Variants in NXPH1 observed in about 807,000 individuals in gnomAD.
NXPH1 encodes the protein neurexophilin-1.
NXPH1 carries 5 observed loss-of-function variants against 23.7 expected under a neutral mutation model. The observed-to-expected ratio is 0.21, with a 90% confidence interval of 0.11 to 0.44. NXPH1 has a LOEUF of 0.44. NXPH1 is among the 20% of genes least tolerant of loss of function. The probability of loss-of-function intolerance (pLI) is 0.99; values close to 1 mark genes in which losing one functional copy is unlikely to be tolerated. For synonymous variants in NXPH1, 144 were observed against 122.2 expected (o/e 1.18, Z -1.18); for missense variants, 324 against 321.6 (o/e 1.01, Z -0.06).
intron 2 of NXPH1, among the ~76,000 whole-genome samples, chr7:8,666,872 T>C (rs1439630477): frequency 2.0e-5 from 3 of 152,060 alleles, no homozygotes; most frequent in Non-Finnish European, 4.4e-5. Context: ...TTAGTTGTAA[T>C]GTCTCCTATA....
At chr7:8,701,621 C>T (rs1006174958) in intron 2 of NXPH1, among the ~76,000 whole-genome samples, 1 of 152,048 alleles carries the variant, frequency 6.6e-6, no homozygotes, top group African/African-American at 2.4e-5. Flanking sequence ...TTTTCAAGGG[C>T]TTTCAGGTAA....
intron 2 of NXPH1, among the ~76,000 whole-genome samples, chr7:8,489,274 C>G (rs919836118): frequency 6.6e-6 from 1 of 152,162 alleles, no homozygotes; most frequent in Admixed American, 6.6e-5. Context: ...CTTCTCATAT[C>G]GAAAAGGACC....
At chr7:8,559,251 C>T (rs766150948) in intron 2 of NXPH1, among the ~76,000 whole-genome samples, 1 of 151,644 alleles carries the variant, frequency 6.6e-6, no homozygotes, top group Non-Finnish European at 1.5e-5. Flanking sequence ...AGCCGCCACG[C>T]CCTGGTGGAA....
At chr7:8,493,408 G>C (rs1817283977) in intron 2 of NXPH1, among the ~76,000 whole-genome samples, 1 of 152,004 alleles carries the variant, frequency 6.6e-6, no homozygotes, top group Non-Finnish European at 1.5e-5. Context: ...TGGTATATCA[G>C]ACTGCCTTAT....
intron 2 of NXPH1, among the ~76,000 whole-genome samples, chr7:8,671,621 G>C (rs1305741030): frequency 6.6e-6 from 1 of 151,858 alleles, no homozygotes; most frequent in African/African-American, 2.4e-5. Flanking sequence ...TGGTTTTTGA[G>C]GTCATTTTAG....
At chr7:8,603,322 T>C (rs1283491150) in intron 2 of NXPH1, among the ~76,000 whole-genome samples, 2 of 152,230 alleles carry the variant, frequency 1.3e-5, no homozygotes, top group East Asian at 3.9e-4. Flanking sequence ...CAGTTAAGTA[T>C]TATTCCAGGT....
intron 2 of NXPH1, among the ~76,000 whole-genome samples, chr7:8,713,053 G>T (rs1311477852): frequency 6.6e-6 from 1 of 151,640 alleles, no homozygotes; most frequent in Non-Finnish European, 1.5e-5. Context: ...TCTTATATTT[G>T]CCATTTTGTG....
chr7:8,667,703 A>G (rs1221761931), intron 2 of NXPH1, among the ~76,000 whole-genome samples: 2 of 152,058 alleles, frequency 1.3e-5, no homozygotes, highest in African/African-American at 4.8e-5. Context: ...AGACTCTTCT[A>G]TACCTAGATA....
intron 2 of NXPH1, among the ~76,000 whole-genome samples, chr7:8,701,232 G>A (rs1176592358): frequency 1.3e-5 from 2 of 151,860 alleles, no homozygotes; most frequent in Non-Finnish European, 2.9e-5. Flanking sequence ...TTCTATAATG[G>A]TATCAGAATT....
At chr7:8,470,202 T>C (rs972742111) in intron 2 of NXPH1, among the ~76,000 whole-genome samples, 2 of 152,114 alleles carry the variant, frequency 1.3e-5, no homozygotes, top group African/African-American at 4.8e-5. Flanking sequence ...CTATTTCCCA[T>C]TTACACTGTA....
rs533182084 is a variant in NXPH1, at chr7:8,619,653, G to T, written c.55-131355G>T. The stretch of plus-strand genomic sequence containing the variant: ...AATAATAGTTATAAATTCAGTATGA[G>T]AAAGTATTACAGATATCATGTCTTA... On this transcript the variant is annotated intron_variant, in intron 2 of 2. Transcript: ENST00000405863. Among the ~76,000 whole-genome samples the T allele has an allele frequency of 1.8e-4, 27 of 152,256 alleles. 1 individual carries two copies. The East Asian group carries it at 4.2e-3, about 24-fold the overall frequency.
intron 2 of NXPH1, among the ~76,000 whole-genome samples, chr7:8,703,935 G>C (rs1779665678): frequency 6.6e-6 from 1 of 152,004 alleles, no homozygotes; most frequent in African/African-American, 2.4e-5. Context: ...CCCAGAACTA[G>C]AATCAGATAT....
chr7:8,551,363 C>T (rs1818272628), intron 2 of NXPH1, among the ~76,000 whole-genome samples: 1 of 151,374 alleles, frequency 6.6e-6, no homozygotes, highest in Admixed American at 6.6e-5. Context: ...GCAAAACATG[C>T]TAAATTCCAA....
At chr7:8,717,745 A>G (rs779446963) in intron 2 of NXPH1, among the ~76,000 whole-genome samples, 2 of 152,164 alleles carry the variant, frequency 1.3e-5, no homozygotes, top group Non-Finnish European at 2.9e-5. Context: ...ACCTGTGAAT[A>G]TAGTTTAATA....
At chr7:8,724,948 G>A (rs1780024764) in intron 2 of NXPH1, among the ~76,000 whole-genome samples, 1 of 152,180 alleles carries the variant, frequency 6.6e-6, no homozygotes, top group Non-Finnish European at 1.5e-5. Context: ...ATCTAGCCCA[G>A]GCTTGTGGAC....
chr7:8,608,665 A>G (rs1819553133), intron 2 of NXPH1, among the ~76,000 whole-genome samples: 1 of 152,108 alleles, frequency 6.6e-6, no homozygotes, highest in African/African-American at 2.4e-5. Context: ...CTTTGAAAAC[A>G]TTGACTTTTT....
At chr7:8,667,580 G>A (rs1194979722) in intron 2 of NXPH1, among the ~76,000 whole-genome samples, 2 of 151,180 alleles carry the variant, frequency 1.3e-5, no homozygotes, top group Non-Finnish European at 2.9e-5. Flanking sequence ...TCTCATATAT[G>A]TGATTTGCAT....
chr7:8,526,048 A>T (rs896536777), intron 2 of NXPH1, among the ~76,000 whole-genome samples: 11 of 152,180 alleles, frequency 7.2e-5, no homozygotes, highest in African/African-American at 2.7e-4. Context: ...AGCTGTAGAC[A>T]TTCAATGCCA....
chr7:8,459,794 A>G (rs966869830), intron 2 of NXPH1, among the ~76,000 whole-genome samples: 3 of 152,230 alleles, frequency 2.0e-5, no homozygotes, highest in African/African-American at 7.2e-5. Flanking sequence ...GCATGTCTGT[A>G]AAGAATATGA....
Sources: allele counts gnomAD v4.1 joint callset (sites outside exome capture counted in the v4.1 genomes callset), GRCh38; gene constraint gnomAD v4.1.1; transcripts MANE v1.5; gene names NCBI Gene and HGNC (gene_info 2026-07-23, HGNC 2026-07-21).